Variants in GTF3C3 observed in about 807,000 individuals in gnomAD.
GTF3C3 encodes general transcription factor 3C polypeptide 3.
Under a neutral mutation model 105.2 loss-of-function variants are expected in GTF3C3, and 75 were observed. The ratio of observed to expected loss-of-function variants is 0.71; its 90% CI spans 0.59 to 0.86. GTF3C3 has a LOEUF of 0.86. Among genes scored for constraint, GTF3C3 ranks in the 40% least tolerant of loss-of-function variants. The pLI, the probability that GTF3C3 is intolerant of heterozygous loss-of-function variation, is 0.00. For missense variants in GTF3C3, 856 were observed against 1,076.5 expected (o/e 0.80, Z 2.87); for synonymous variants, 335 against 370.4 (o/e 0.90, Z 1.10).
At chr2:196,777,770 T>A (rs766175355) in intron 10 of GTF3C3, 1 of 152,218 alleles carries the variant, frequency 6.6e-6, no homozygotes, top group Admixed American at 6.5e-5. Flanking sequence ...ATTTTATCTT[T>A]CATTCATCTC....
intron 3 of GTF3C3, among the ~76,000 whole-genome samples, chr2:196,792,299 G>A (rs1576035993): frequency 1.3e-5 from 2 of 152,108 alleles, no homozygotes; most frequent in East Asian, 3.9e-4. Flanking sequence ...TAGGACAACA[G>A]GAGTGCACTA....
chr2:196,775,049 T>G (rs764834782), intron 13 of GTF3C3, 67 bp downstream of exon 13: 3 of 1,137,392 alleles, frequency 2.6e-6, no homozygotes, highest in Admixed American at 2.0e-5. Context: ...TGCTGTCCAG[T>G]GTTACTTCAT....
At chr2:196,785,990 T>A (rs907727284) in intron 6 of GTF3C3, among the ~76,000 whole-genome samples, 4 of 152,140 alleles carry the variant, frequency 2.6e-5, no homozygotes, top group African/African-American at 9.7e-5. Flanking sequence ...TCAGTTCTCT[T>A]GCCCTGCACT....
intron 16 of GTF3C3, among the ~76,000 whole-genome samples, chr2:196,768,436 TAAATA>T (rs1454712739): frequency 6.6e-6 from 1 of 152,150 alleles, no homozygotes; most frequent in African/African-American, 2.4e-5. Flanking sequence ...TATACAATAT[TAAATA>T]AAAGTAGAAG....
chr2:196,781,357 A>AAAAAAAAAAAAAAAATATATAT, intron 8 of GTF3C3, among the ~76,000 whole-genome samples: 7 of 18,822 alleles, frequency 3.7e-4, no homozygotes, highest in Non-Finnish European at 1.0e-3. Context: ...AAAAAAAAAA[A>AAAAAAAAAAAAAAAATATATAT]ATATATATAT....
intron 10 of GTF3C3, 110 bp downstream of exon 10, chr2:196,778,786 T>A: frequency 1.0e-6 from 1 of 962,200 alleles, no homozygotes; most frequent in East Asian, 2.4e-5. Context: ...TTCAAAAAAC[T>A]CCCCTGAAAC....
At chr2:196,799,425 A>T (rs1248494403) in intron 1 of GTF3C3, 85 bp downstream of exon 1, 14 of 979,026 alleles carry the variant, frequency 1.4e-5, no homozygotes, top group Non-Finnish European at 2.3e-5. Context: ...GCCCCATCAC[A>T]GTGAAAGCGG....
At position 196,778,956 on chromosome 2, in the gene GTF3C3, G is replaced by A; in HGVS notation, c.1330C>T (p.Leu444Phe). 2 of 1,613,966 alleles carry A rather than the reference G, an allele frequency of 1.2e-6. No homozygotes were observed. The highest frequency in any genetic ancestry group is 1.7e-6 in the Non-Finnish European group (2 of 1,179,850). ...CTTTCAGAGCAAACAAGAGCACTGA[G>A]GAGGGGAAGTGCAGAATTATATTCA... ...VGEYNSALPL[L>F]SALVCSERYN... The change falls in exon 10 of 18, where the codon CTC (leucine) becomes TTC (phenylalanine). Residue 444 changes from leucine to phenylalanine, a missense_variant. This residue lies in a region of GTF3C3 where 605 missense variants were observed against 833.6 expected (regional missense o/e 0.73). Coordinates refer to ENST00000263956, the MANE Select transcript of GTF3C3 (RefSeq NM_012086.5).
chr2:196,798,072 A>G (rs1486565668), intron 1 of GTF3C3, among the ~76,000 whole-genome samples, 164 bp from the exon 2 acceptor site: 1 of 152,214 alleles, frequency 6.6e-6, no homozygotes, highest in Non-Finnish European at 1.5e-5. Flanking sequence ...TATTCCTACA[A>G]AACTTGAGCT....
chr2:196,766,808 A>AT, intron 16 of GTF3C3, 91 bp from the exon 17 acceptor site: 2 of 978,948 alleles, frequency 2.0e-6, no homozygotes, highest in South Asian at 1.8e-5. Context: ...AAATACAAAT[A>AT]TTTTTTAAAA....
chr2:196,796,320 A>G (rs1699643211), intron 2 of GTF3C3, among the ~76,000 whole-genome samples: 1 of 151,986 alleles, frequency 6.6e-6, no homozygotes, highest in Non-Finnish European at 1.5e-5. Flanking sequence ...GACTCAGCTC[A>G]CTCCTTTTTT....
chr2:196,785,560 A>G lies in GTF3C3; in HGVS notation c.922T>C (p.Ser308Pro), dbSNP rs781250266. 1.1e-5 allele frequency: 17 copies of G among 1,607,542 alleles called. No individual in the cohort carries two copies. Among genetic ancestry groups the G allele is most frequent in the Non-Finnish European group, 1.4e-5 (17 of 1,174,938 alleles). Residue 308 changes from serine to proline, a missense_variant, in exon 7 of 18, where the codon TCT becomes CCT. Physicochemically the swap from Ser to Pro is moderately conservative, Grantham distance 74. Coordinates refer to ENST00000263956, the MANE Select transcript of GTF3C3 (RefSeq NM_012086.5). ...KSYYEANDVT[S>P]AINIIDEAFS... Reference sequence around the variant, plus strand: ...GCTTCATCAATTATGTTAATAGCAGAAGTAACATCATTGGCTTCATAGTAA... The same window carrying G: ...GCTTCATCAATTATGTTAATAGCAGGAGTAACATCATTGGCTTCATAGTAA...
At chr2:196,775,579 T>G (rs959705134) in intron 12 of GTF3C3, among the ~76,000 whole-genome samples, 1 of 152,208 alleles carries the variant, frequency 6.6e-6, no homozygotes, top group South Asian at 2.1e-4. Flanking sequence ...TTGGGTCACA[T>G]TCCTCACCTC....
chr2:196,792,871 T>C lies in GTF3C3; in HGVS notation c.411+85A>G, dbSNP rs576322012. ...AGTATTTCCTTTCGTACAGTTTGAA[T>C]TGTTTCCCAGGTATAACTTACAGAC... On this transcript the variant is annotated intron_variant, in intron 3 of 17. Coordinates refer to ENST00000263956, the MANE Select transcript of GTF3C3 (RefSeq NM_012086.5). The C allele has an allele frequency of 3.4e-5, 28 of 822,562 alleles. No homozygotes were observed. The East Asian group carries it at 6.7e-4, about 20-fold the overall frequency. The allele number at this position is 822,562 out of a possible 1,614,324, so 51.0% of individuals were successfully genotyped here. A position where few individuals can be genotyped will look rare whatever the true frequency, so the allele number is the denominator to read the frequency against.
At chr2:196,770,860 T>G (rs1699161114) in intron 15 of GTF3C3, among the ~76,000 whole-genome samples, 1 of 152,156 alleles carries the variant, frequency 6.6e-6, no homozygotes, top group Admixed American at 6.5e-5. Flanking sequence ...ATTTTCTTAA[T>G]ATAAAACAAT....
At chr2:196,765,657 A>C in intron 17 of GTF3C3, among the ~76,000 whole-genome samples, 1 of 150,974 alleles carries the variant, frequency 6.6e-6, no homozygotes, top group East Asian at 1.9e-4. Flanking sequence ...TAGTAAATTT[A>C]TATATAAAAA....
chr2:196,793,200 T>C, intron 2 of GTF3C3, 48 bp from the exon 3 acceptor site: 1 of 1,317,552 alleles, frequency 7.6e-7, no homozygotes, highest in Non-Finnish European at 1.1e-6. Flanking sequence ...GCTGCAGAAT[T>C]CTCAGTGAAA....
chr2:196,765,934 C>T (rs1251856730), intron 17 of GTF3C3, among the ~76,000 whole-genome samples: 4 of 142,266 alleles, frequency 2.8e-5, no homozygotes, highest in Admixed American at 7.9e-5. Flanking sequence ...GGCGTGAACC[C>T]GGGAGGCGGA....
At chr2:196,768,411 A>G (rs2125738426) in intron 16 of GTF3C3, among the ~76,000 whole-genome samples, 1 of 152,308 alleles carries the variant, frequency 6.6e-6, no homozygotes, top group East Asian at 1.9e-4. Flanking sequence ...TAAAGGGCCC[A>G]ATGTACTCAC....
Sources: gnomAD v4.1 joint callset for allele counts (sites outside exome capture counted in the v4.1 genomes callset) on GRCh38, gnomAD v4.1.1 for gene constraint, gnomAD v4.1.1 regional missense constraint, MANE v1.5 for transcripts, NCBI Gene and HGNC (gene_info 2026-07-23, HGNC 2026-07-21) for gene names.